The following FRYL variants were observed in gnomAD, a reference collection of about 807,000 sequenced individuals.
FRYL encodes protein furry homolog-like.
FRYL carries 150 observed loss-of-function variants against 351.2 expected under a neutral mutation model. That is an observed-to-expected ratio of 0.43 (90% CI 0.37 to 0.49). The LOEUF (loss-of-function observed/expected upper bound fraction) is 0.49. FRYL is among the 20% of genes least tolerant of loss of function. The pLI is 0.00. For synonymous variants in FRYL, 1,153 were observed against 1,257.1 expected (o/e 0.92, Z 1.75); for missense variants, 3,036 against 3,619.3 (o/e 0.84, Z 4.13).
At chr4:48,713,727 A>T (rs1277939595) in intron 1 of FRYL, among the ~76,000 whole-genome samples, 1 of 151,986 alleles carries the variant, frequency 6.6e-6, no homozygotes, top group Non-Finnish European at 1.5e-5. Flanking sequence ...TAGAAAGTTA[A>T]CAAGGAAACC....
chr4:48,561,753 G>A, intron 32 of FRYL, 117 bp from the exon 33 acceptor site: 1 of 710,340 alleles, frequency 1.4e-6, no homozygotes, highest in Non-Finnish European at 2.2e-6. Context: ...AGTGGCTTAT[G>A]CCTGTAATCT....
At chr4:48,645,337 A>C (rs1756255574) in intron 3 of FRYL, among the ~76,000 whole-genome samples, 1 of 151,818 alleles carries the variant, frequency 6.6e-6, no homozygotes. Context: ...AATTTCTTCG[A>C]TCTTCAGGCT....
chr4:48,779,305 A>ATCTACAGGCCGAGTCAGC (rs1776372103), intron 1 of FRYL, among the ~76,000 whole-genome samples: 1 of 152,120 alleles, frequency 6.6e-6, no homozygotes, highest in Non-Finnish European at 1.5e-5. Context: ...GCAGCAGGCA[A>ATCTACAGGCCGAGTCAGC]TCTACAGGCC....
At chr4:48,771,467 G>A (rs1012139331) in intron 1 of FRYL, among the ~76,000 whole-genome samples, 1 of 152,086 alleles carries the variant, frequency 6.6e-6, no homozygotes. Context: ...ACATGCTTAG[G>A]GTTTTGATGG....
At chr4:48,647,717 C>A (rs181098883) in intron 3 of FRYL, among the ~76,000 whole-genome samples, 11 of 152,218 alleles carry the variant, frequency 7.2e-5, no homozygotes, top group Admixed American at 7.2e-4. Flanking sequence ...CCAATGACAC[C>A]TGGAGCTAGA....
At chr4:48,514,901 A>C (rs1378879389) in intron 56 of FRYL, 127 bp downstream of exon 56, 3 of 785,306 alleles carry the variant, frequency 3.8e-6, no homozygotes, top group Non-Finnish European at 5.9e-6. Context: ...AAACACACAA[A>C]GTATGATTAC....
chr4:48,675,452 C>T (rs1183878399), intron 3 of FRYL, among the ~76,000 whole-genome samples: 1 of 152,254 alleles, frequency 6.6e-6, no homozygotes, highest in Non-Finnish European at 1.5e-5. Flanking sequence ...GCCAGCCCTG[C>T]TGGCCCCAGG....
intron 1 of FRYL, among the ~76,000 whole-genome samples, chr4:48,721,210 T>C (rs534745809): frequency 6.6e-6 from 1 of 152,290 alleles, no homozygotes; most frequent in Non-Finnish European, 1.5e-5. Context: ...CCTTTCTCCC[T>C]AACTAGAACG....
chr4:48,531,490 A>C (rs1462467577), intron 49 of FRYL, 137 bp from the exon 50 acceptor site: 2 of 635,926 alleles, frequency 3.1e-6, no homozygotes, highest in Non-Finnish European at 5.5e-6. Context: ...TCCTTAATGA[A>C]AGGTTTGAGT....
At chr4:48,618,598 A>C (rs1750033361) in intron 7 of FRYL, 1 of 152,052 alleles carries the variant, frequency 6.6e-6, no homozygotes, top group South Asian at 2.1e-4. Flanking sequence ...AAAAAAAAAA[A>C]AAAAAAAGCT....
At chr4:48,584,952 A>C (rs757984903) in intron 19 of FRYL, among the ~76,000 whole-genome samples, 2 of 152,224 alleles carry the variant, frequency 1.3e-5, no homozygotes, top group Non-Finnish European at 2.9e-5. Context: ...TCATAGGAGA[A>C]AGAAGCAAAG....
intron 2 of FRYL, among the ~76,000 whole-genome samples, chr4:48,695,132 C>A (rs34020775): frequency 6.6e-6 from 1 of 151,964 alleles, no homozygotes; most frequent in Admixed American, 6.6e-5. Flanking sequence ...GGAGAAAATG[C>A]GTAAGAATCA....
intron 30 of FRYL, 83 bp from the exon 31 acceptor site, chr4:48,564,185 T>C: frequency 5.0e-6 from 7 of 1,412,392 alleles, no homozygotes; most frequent in Non-Finnish European, 6.8e-6. Context: ...TAAAGTAATA[T>C]AGTGCATATA....
At chr4:48,551,805 G>GA (rs1171041085) in intron 36 of FRYL, among the ~76,000 whole-genome samples, 3 of 152,192 alleles carry the variant, frequency 2.0e-5, no homozygotes, top group Non-Finnish European at 4.4e-5. Context: ...TAAGAAGGCT[G>GA]AATCCAAAGG....
intron 3 of FRYL, among the ~76,000 whole-genome samples, chr4:48,645,615 C>T (rs1235229494): frequency 2.0e-5 from 3 of 152,094 alleles, no homozygotes; most frequent in Admixed American, 6.5e-5. Context: ...TCTGGCCATA[C>T]CTTAAGTCAG....
At chr4:48,561,757 G>A (rs1188472225) in intron 32 of FRYL, 121 bp from the exon 33 acceptor site, 4 of 682,600 alleles carry the variant, frequency 5.9e-6, no homozygotes, top group East Asian at 2.8e-5. Context: ...GCTTATGCCT[G>A]TAATCTCAAT....
intron 25 of FRYL, among the ~76,000 whole-genome samples, chr4:48,574,865 C>A (rs1227168724): frequency 8.5e-5 from 13 of 152,062 alleles, no homozygotes; most frequent in Non-Finnish European, 5.9e-5. Context: ...TTCATTATTT[C>A]TAGAACATAT....
chr4:48,752,046 G>C (rs897258638), intron 1 of FRYL, among the ~76,000 whole-genome samples: 1 of 152,160 alleles, frequency 6.6e-6, no homozygotes, highest in African/African-American at 2.4e-5. Context: ...TGAGAGATCT[G>C]ATGCGGGGTG....
intron 50 of FRYL, among the ~76,000 whole-genome samples, chr4:48,530,232 C>G (rs1727244331): frequency 6.6e-6 from 1 of 152,200 alleles, no homozygotes; most frequent in Admixed American, 6.6e-5. Flanking sequence ...CAACATTGAT[C>G]TACCTGTCAA....
Sources: allele counts gnomAD v4.1 joint callset (sites outside exome capture counted in the v4.1 genomes callset), GRCh38; gene constraint gnomAD v4.1.1; transcripts MANE v1.5; gene names NCBI Gene and HGNC (gene_info 2026-07-23, HGNC 2026-07-21).